The following CHSY3 variants were observed in gnomAD, a reference collection of about 807,000 sequenced individuals.
The protein encoded by CHSY3 is chondroitin sulfate synthase 3.
CHSY3 carries 35 observed loss-of-function variants against 67.2 expected under a neutral mutation model. That is an observed-to-expected ratio of 0.52 (90% CI 0.40 to 0.69). The LOEUF is 0.69. CHSY3 is among the 30% of genes least tolerant of loss of function. The pLI is 0.00. For missense variants in CHSY3, 1,069 were observed against 1,138.5 expected (o/e 0.94, Z 0.88); for synonymous variants, 474 against 434.7 (o/e 1.09, Z -1.12).
intron 2 of CHSY3, among the ~76,000 whole-genome samples, chr5:130,047,500 A>G (rs2149669103): frequency 6.6e-6 from 1 of 152,224 alleles, no homozygotes; most frequent in South Asian, 2.1e-4. Context: ...TTAGTAATTT[A>G]TTGGCCATCC....
intron 2 of CHSY3, among the ~76,000 whole-genome samples, chr5:130,063,983 G>C (rs1412908879): frequency 6.6e-6 from 1 of 152,052 alleles, no homozygotes; most frequent in East Asian, 1.9e-4. Context: ...AGATTATACT[G>C]ATGAGGGTGA....
At chr5:129,994,837 A>C (rs1763485394) in intron 2 of CHSY3, among the ~76,000 whole-genome samples, 1 of 151,478 alleles carries the variant, frequency 6.6e-6, no homozygotes, top group South Asian at 2.1e-4. Context: ...CATAGGTGGG[A>C]ATTGAACAAT....
In CHSY3 at chr5:130,164,456, A is replaced by G. The variant is rs115391616; in HGVS notation, c.1087-19773A>G. ...GAGAATTGAGATGTCAGGAGAGGAA[A>G]CTATATTTGTTTCTTTGTTTTAGTA... On this transcript the variant is annotated intron_variant, in intron 2 of 2. Transcript: ENST00000305031. 9.3e-3 allele frequency among the ~76,000 whole-genome samples: 1,411 copies of G among 152,174 alleles called. 17 individuals are homozygous for G. The highest frequency in any genetic ancestry group is 0.032 in the African/African-American group (1,310 of 41,542).
chr5:129,918,836 G>T (rs988743517), intron 2 of CHSY3, among the ~76,000 whole-genome samples: 1 of 150,646 alleles, frequency 6.6e-6, no homozygotes, highest in Admixed American at 6.6e-5. Flanking sequence ...GGCCGGGCGC[G>T]GTGGCTCACG....
intron 2 of CHSY3, among the ~76,000 whole-genome samples, chr5:129,943,813 G>A (rs1449614169): frequency 1.3e-5 from 2 of 152,200 alleles, no homozygotes; most frequent in African/African-American, 2.4e-5. Flanking sequence ...TTATAATGAT[G>A]AGCATTTACA....
chr5:129,970,447 T>TAGACAGAC (rs879669764), intron 2 of CHSY3, among the ~76,000 whole-genome samples: 1 of 123,634 alleles, frequency 8.1e-6, no homozygotes, highest in Admixed American at 8.5e-5. Context: ...GATAGATAGA[T>TAGACAGAC]AGACAGACAG....
intron 2 of CHSY3, among the ~76,000 whole-genome samples, chr5:129,999,671 C>T (rs1763662059): frequency 6.6e-6 from 1 of 152,136 alleles, no homozygotes; most frequent in African/African-American, 2.4e-5. Context: ...GGAATTATTT[C>T]AGTTTCCTGA....
chr5:129,959,785 A>G (rs926272565), intron 2 of CHSY3, among the ~76,000 whole-genome samples: 1 of 152,056 alleles, frequency 6.6e-6, no homozygotes, highest in African/African-American at 2.4e-5. Context: ...TTTACTTTGC[A>G]TGTTCATTTT....
At position 130,122,003 on chromosome 5, in the gene CHSY3, G is replaced by A. The variant is rs575399445; in HGVS notation, c.1087-62226G>A. ...TCTATTTATTGAGTGCTTACTTTGT[G>A]TAAAGGCCCTACCCGAGGCAATATG... On this transcript the variant is annotated intron_variant, in intron 2 of 2. Coordinates refer to ENST00000305031, the MANE Select transcript of CHSY3 (RefSeq NM_175856.5). Among the ~76,000 whole-genome samples, 28 of 152,270 alleles carry A rather than the reference G, an allele frequency of 1.8e-4. No individual in the cohort carries two copies. The South Asian group carries it at 5.8e-3, about 32-fold the overall frequency.
chr5:130,132,673 G>T (rs1446893664), intron 2 of CHSY3, among the ~76,000 whole-genome samples: 1 of 152,176 alleles, frequency 6.6e-6, no homozygotes, highest in East Asian at 1.9e-4. Flanking sequence ...GTTCTCAACA[G>T]AGGGCAATTT....
intron 2 of CHSY3, among the ~76,000 whole-genome samples, chr5:130,154,844 T>G (rs945255450): frequency 3.9e-5 from 6 of 152,172 alleles, no homozygotes; most frequent in African/African-American, 1.4e-4. Flanking sequence ...CCTAGGAAGG[T>G]AGAGTGTTAG....
intron 2 of CHSY3, among the ~76,000 whole-genome samples, chr5:130,179,904 A>AT (rs1770195049): frequency 6.6e-6 from 1 of 152,070 alleles, no homozygotes; most frequent in Non-Finnish European, 1.5e-5. Context: ...AAAGACATAG[A>AT]TTTTCTCTGC....
intron 2 of CHSY3, among the ~76,000 whole-genome samples, chr5:130,169,284 A>G (rs1201332655): frequency 6.6e-6 from 1 of 152,166 alleles, no homozygotes. Context: ...AATATTGACA[A>G]TGTGATACCT....
intron 2 of CHSY3, among the ~76,000 whole-genome samples, chr5:130,074,605 T>C (rs1391173132): frequency 6.6e-6 from 1 of 152,148 alleles, no homozygotes; most frequent in African/African-American, 2.4e-5. Context: ...CTATTTAACA[T>C]GGGAAATATT....
chr5:130,006,181 A>G (rs908507860), intron 2 of CHSY3, among the ~76,000 whole-genome samples: 6 of 152,312 alleles, frequency 3.9e-5, no homozygotes, highest in African/African-American at 1.2e-4. Flanking sequence ...CCTTGTTTCA[A>G]CAAAAACAAG....
At chr5:129,930,407 A>G (rs1761261258) in intron 2 of CHSY3, among the ~76,000 whole-genome samples, 1 of 151,454 alleles carries the variant, frequency 6.6e-6, no homozygotes, top group South Asian at 2.1e-4. Flanking sequence ...CTATGGAAAC[A>G]AGATAGCCAA....
chr5:130,073,166 A>G (rs1368183211), intron 2 of CHSY3, among the ~76,000 whole-genome samples: 1 of 152,170 alleles, frequency 6.6e-6, no homozygotes, highest in Admixed American at 6.6e-5. Context: ...TCATGCAAAA[A>G]AAATAAGTTG....
intron 2 of CHSY3, among the ~76,000 whole-genome samples, chr5:130,015,035 T>G (rs578217650): frequency 6.6e-6 from 1 of 152,310 alleles, no homozygotes; most frequent in African/African-American, 2.4e-5. Flanking sequence ...CATGTTGAAT[T>G]GTAATTCCCA....
intron 2 of CHSY3, among the ~76,000 whole-genome samples, chr5:129,990,936 CAAGAGGTGACACCT>C (rs1283837546): frequency 6.6e-6 from 1 of 151,946 alleles, no homozygotes; most frequent in African/African-American, 2.4e-5. Context: ...CCAGCCTATC[CAAGAGGTGACACCT>C]AGGATAAGAC....
Sources: gnomAD v4.1 joint callset for allele counts (sites outside exome capture counted in the v4.1 genomes callset) on GRCh38, gnomAD v4.1.1 for gene constraint, MANE v1.5 for transcripts, NCBI Gene and HGNC (gene_info 2026-07-23, HGNC 2026-07-21) for gene names.